Variants in AXIN1 observed in about 807,000 individuals in gnomAD.
AXIN1 encodes the protein axin-1.
Under a neutral mutation model 76.4 loss-of-function variants are expected in AXIN1, and 30 were observed. The ratio of observed to expected loss-of-function variants is 0.39; its 90% CI spans 0.29 to 0.53. AXIN1 has a LOEUF of 0.53. Among genes scored for constraint, AXIN1 ranks in the 20% least tolerant of loss-of-function variants. AXIN1 has a pLI of 0.66. For synonymous variants in AXIN1, 545 were observed against 501.4 expected (o/e 1.09, Z -1.16); for missense variants, 1,140 against 1,198.8 (o/e 0.95, Z 0.72).
chr16:292,291 C>G (rs569522752), intron 8 of AXIN1: 1 of 152,314 alleles, frequency 6.6e-6, no homozygotes, highest in South Asian at 2.1e-4. Context: ...TGGCCGAACA[C>G]GATCACAGGG....
At chr16:303,893 GCCC>G (rs1290528717) in intron 5 of AXIN1, among the ~76,000 whole-genome samples, 3 of 152,204 alleles carry the variant, frequency 2.0e-5, no homozygotes, top group African/African-American at 7.2e-5. Context: ...AGGCATCGCA[GCCC>G]CCGACTGCAC....
chr16:348,677 C>T (rs2141716309), intron 1 of AXIN1, among the ~76,000 whole-genome samples: 1 of 152,266 alleles, frequency 6.6e-6, no homozygotes, highest in African/African-American at 2.4e-5. Context: ...GTAGCGTATG[C>T]CTGTAGTCTC....
intron 2 of AXIN1, among the ~76,000 whole-genome samples, chr16:322,108 G>C (rs1315920814): frequency 6.6e-6 from 1 of 152,256 alleles, no homozygotes; most frequent in East Asian, 1.9e-4. Context: ...GACCTTCTGA[G>C]AAGCACAGAG....
chr16:288,445 A>G, intron 10 of AXIN1, 197 bp from the exon 11 acceptor site: 3 of 778,088 alleles, frequency 3.9e-6, no homozygotes, highest in African/African-American at 1.7e-5. Context: ...GTGGGCAGCC[A>G]TGGGGGGTGA....
chr16:329,272 C>CAAAAAAAA (rs1176095680), intron 2 of AXIN1, among the ~76,000 whole-genome samples: 1 of 71,196 alleles, frequency 1.4e-5, no homozygotes, highest in Non-Finnish European at 2.6e-5. Flanking sequence ...GCGAGACTGT[C>CAAAAAAAA]AAAAAAAAAA....
intron 2 of AXIN1, among the ~76,000 whole-genome samples, chr16:329,612 A>G (rs1282621704): frequency 4.9e-5 from 7 of 143,898 alleles, no homozygotes; most frequent in Non-Finnish European, 9.2e-5. Context: ...TGCCCGGCTA[A>G]TTTTTGTTTT....
At chr16:292,636 G>A (rs1230347784) in intron 8 of AXIN1, 1 of 152,210 alleles carries the variant, frequency 6.6e-6, no homozygotes, top group Non-Finnish European at 1.5e-5. Context: ...ACAGCCCCAG[G>A]GCCTGGGTGA....
chr16:331,819 C>T (rs902307136), intron 2 of AXIN1, among the ~76,000 whole-genome samples: 5 of 152,226 alleles, frequency 3.3e-5, no homozygotes, highest in East Asian at 1.9e-4. Context: ...ATGAGGGGCC[C>T]TCACGCCAGT....
chr16:337,574 A>AC (rs2053832727), intron 2 of AXIN1, among the ~76,000 whole-genome samples: 1 of 151,584 alleles, frequency 6.6e-6, no homozygotes, highest in South Asian at 2.1e-4. Context: ...AGGGCACAGG[A>AC]CCAAGCAGCC....
In AXIN1 at chr16:304,587, T is replaced by A. The variant is rs1326429032; in HGVS notation, c.1117-146A>T. 8 of 1,284,032 alleles carry A rather than the reference T, an allele frequency of 6.2e-6. No homozygotes were observed. The African/African-American group carries it at 1.0e-4, about 17-fold the overall frequency. The allele number at this position is 1,284,032 out of a possible 1,614,324, so 79.5% of individuals were successfully genotyped here. ...TCTTGCTCTGTCACCCAGGCTGGAG[T>A]GCAATGGCGTGATCTTGGCTCACTG... is the stretch of plus-strand genomic sequence containing the variant. On this transcript the variant is annotated intron_variant, in intron 4 of 10. Transcript: ENST00000262320.
At chr16:331,056 AC>A (rs1451111126) in intron 2 of AXIN1, among the ~76,000 whole-genome samples, 3 of 152,150 alleles carry the variant, frequency 2.0e-5, no homozygotes, top group African/African-American at 7.2e-5. Context: ...TGAATACATC[AC>A]TTACCCAGAA....
At chr16:320,735 A>ATTT (rs1418979467) in intron 2 of AXIN1, among the ~76,000 whole-genome samples, 276 of 76,120 alleles carry the variant, frequency 3.6e-3, no homozygotes, top group African/African-American at 0.021. Context: ...ATATATATAT[A>ATTT]TATATATATT....
Position 310,013 on chromosome 16 carries a change from C to T in AXIN1, c.1076G>A (p.Ser359Asn), listed in dbSNP as rs1439391940. Residue 359 changes from serine (S) to asparagine (N), a missense_variant, in exon 4 of 11, where the codon AGC becomes AAC. Ser to Asn is a conservative substitution (Grantham distance 46). Around this residue, in one of 3 missense-constraint regions of AXIN1, gnomAD observed 708 missense variants for 776.9 expected, o/e 0.91. Coordinates refer to ENST00000262320, the MANE Select transcript of AXIN1 (RefSeq NM_003502.4). ...GGGCACCCGCCCATTGACCTGCACG[C>T]TCTCCTGCATCTCCCTGCGGTGCTG... ...RKQHRREMQE[S>N]VQVNGRVPLP... 6.2e-7 allele frequency: 1 copy of T among 1,613,388 alleles called. No homozygotes were observed. Among genetic ancestry groups the T allele is most frequent in the Non-Finnish European group, 8.5e-7 (1 of 1,180,002 alleles).
At chr16:348,671 C>G (rs139254962) in intron 1 of AXIN1, among the ~76,000 whole-genome samples, 1 of 152,124 alleles carries the variant, frequency 6.6e-6, no homozygotes, top group South Asian at 2.1e-4. Context: ...GGTATGGTAG[C>G]GTATGCCTGT....
intron 4 of AXIN1, among the ~76,000 whole-genome samples, chr16:307,939 A>G (rs2053071581): frequency 6.6e-6 from 1 of 152,142 alleles, no homozygotes; most frequent in African/African-American, 2.4e-5. Context: ...TGGGTTTCTC[A>G]CTTGGGCCTC....
chr16:306,179 GCACA>G (rs1170350364), intron 4 of AXIN1, among the ~76,000 whole-genome samples: 2 of 151,494 alleles, frequency 1.3e-5, no homozygotes, highest in East Asian at 1.9e-4. Context: ...ACACACACAC[GCACA>G]CACACAGGCA....
chr16:319,451 G>C lies in AXIN1; in HGVS notation c.879-4768C>G, dbSNP rs1434198755. ...GCGCTGATGGCAGAATCAATGCCCA[G>C]GAGCTGTGTCATAAACAAACACCTG... On this transcript the variant is annotated intron_variant, in intron 2 of 10. Coordinates refer to ENST00000262320, the MANE Select transcript of AXIN1 (RefSeq NM_003502.4). Among the ~76,000 whole-genome samples the C allele has an allele frequency of 2.6e-5, 4 of 152,338 alleles. No homozygotes were observed. The East Asian group carries it at 7.7e-4, about 29-fold the overall frequency.
intron 5 of AXIN1, among the ~76,000 whole-genome samples, chr16:303,042 T>C (rs960287410): frequency 2.6e-5 from 4 of 152,176 alleles, no homozygotes; most frequent in African/African-American, 9.7e-5. Flanking sequence ...TGAAATTTTT[T>C]CTAGAGACAG....
intron 4 of AXIN1, among the ~76,000 whole-genome samples, chr16:307,624 G>A (rs1158420597): frequency 1.3e-5 from 2 of 152,170 alleles, no homozygotes; most frequent in Non-Finnish European, 2.9e-5. Context: ...GTGTTAAAGA[G>A]TCTCACAAGG....
Sources: allele counts gnomAD v4.1 joint callset (sites outside exome capture counted in the v4.1 genomes callset), GRCh38; gene constraint gnomAD v4.1.1; regional missense constraint gnomAD v4.1.1; transcripts MANE v1.5; gene names NCBI Gene and HGNC (gene_info 2026-07-23, HGNC 2026-07-21).